Variants in CCSER1 observed in about 807,000 individuals in gnomAD.
The protein encoded by CCSER1 is coiled-coil serine rich protein 1, also known as serine-rich coiled-coil domain-containing protein 1.
A neutral mutation model predicts 82.0 loss-of-function variants in CCSER1; 41 were observed. That is an observed-to-expected ratio of 0.50 (90% CI 0.39 to 0.65). The LOEUF (loss-of-function observed/expected upper bound fraction) is 0.65, where lower values mean the gene tolerates loss of function less well. Ranked by LOEUF, CCSER1 falls within the 30% of genes least tolerant of loss-of-function variation. CCSER1 has a pLI of 0.00. For synonymous variants in CCSER1, 414 were observed against 383.9 expected, an observed-to-expected ratio of 1.08 and a Z score of -0.92; for missense variants, 1,119 against 1,064.2, an observed-to-expected ratio of 1.05 and a Z score of -0.72.
intron 10 of CCSER1, among the ~76,000 whole-genome samples, chr4:91,418,047 C>T (rs886801427): frequency 6.6e-6 from 1 of 151,760 alleles, no homozygotes; most frequent in South Asian, 2.1e-4. Flanking sequence ...AATATTGAAA[C>T]ATAACTTACC....
At chr4:90,860,219 GAT>G (rs1764917452) in intron 8 of CCSER1, among the ~76,000 whole-genome samples, 1 of 151,576 alleles carries the variant, frequency 6.6e-6, no homozygotes, top group Non-Finnish European at 1.5e-5. Context: ...CTCACTGTAA[GAT>G]ATATGAATGT....
intron 4 of CCSER1, among the ~76,000 whole-genome samples, chr4:90,424,047 C>T (rs1048073135): frequency 2.6e-4 from 39 of 150,630 alleles, no homozygotes; most frequent in Non-Finnish European, 1.0e-4. Flanking sequence ...GCAGAGATTG[C>T]GCCACTGCGC....
At chr4:90,473,680 G>A (rs1206951138) in intron 5 of CCSER1, among the ~76,000 whole-genome samples, 1 of 152,126 alleles carries the variant, frequency 6.6e-6, no homozygotes, top group Admixed American at 6.6e-5. Context: ...TGAATGAATA[G>A]TATATGTTAG....
chr4:90,782,222 A>G (rs1753871072), intron 7 of CCSER1, among the ~76,000 whole-genome samples: 1 of 152,212 alleles, frequency 6.6e-6, no homozygotes, highest in Non-Finnish European at 1.5e-5. Context: ...TGGGCAAAAA[A>G]TATTTTTCCT....
intron 9 of CCSER1, among the ~76,000 whole-genome samples, chr4:91,059,814 A>G (rs1456697126): frequency 7.2e-5 from 11 of 152,016 alleles, no homozygotes; most frequent in East Asian, 1.9e-4. Context: ...GAGCAGTACT[A>G]TACTGCAACA....
intron 7 of CCSER1, among the ~76,000 whole-genome samples, chr4:90,759,802 A>G (rs984761704): frequency 8.5e-5 from 13 of 152,210 alleles, no homozygotes; most frequent in African/African-American, 2.9e-4. Context: ...CGTCTTCACC[A>G]CATATATACC....
intron 10 of CCSER1, among the ~76,000 whole-genome samples, chr4:91,458,252 C>T (rs1756305868): frequency 1.3e-5 from 2 of 152,106 alleles, no homozygotes; most frequent in Admixed American, 1.3e-4. Context: ...ATTAAAGAGA[C>T]TCTTCCCCAA....
At chr4:90,707,929 AAT>A (rs1340826629) in intron 6 of CCSER1, among the ~76,000 whole-genome samples, 1 of 152,140 alleles carries the variant, frequency 6.6e-6, no homozygotes, top group East Asian at 1.9e-4. Flanking sequence ...ACAAGCTGCC[AAT>A]ATTATCCTAC....
intron 10 of CCSER1, chr4:91,319,503 A>C (rs969782448): frequency 2.6e-6 from 1 of 380,484 alleles, no homozygotes; most frequent in Non-Finnish European, 5.2e-6. Flanking sequence ...GCATTCCCTC[A>C]TGGAACTTTG....
chr4:90,861,352 A>G (rs1311096113), intron 8 of CCSER1, among the ~76,000 whole-genome samples: 1 of 151,756 alleles, frequency 6.6e-6, no homozygotes, highest in Non-Finnish European at 1.5e-5. Flanking sequence ...TGATTCTAAT[A>G]AATAAATTCC....
At chr4:90,259,752 T>C (rs1441293772) in intron 1 of CCSER1, among the ~76,000 whole-genome samples, 1 of 152,174 alleles carries the variant, frequency 6.6e-6, no homozygotes, top group Non-Finnish European at 1.5e-5. Context: ...CTATGTGATA[T>C]ATCACATTTA....
intron 10 of CCSER1, among the ~76,000 whole-genome samples, chr4:91,198,968 A>G (rs1735683111): frequency 6.6e-6 from 1 of 152,050 alleles, no homozygotes; most frequent in African/African-American, 2.4e-5. Context: ...CTCCATCTTC[A>G]TACACACTCT....
At chr4:90,570,758 A>G (rs759080199) in intron 5 of CCSER1, among the ~76,000 whole-genome samples, 1 of 152,132 alleles carries the variant, frequency 6.6e-6, no homozygotes. Flanking sequence ...GACCCACTGA[A>G]ATACTGAAGG....
At chr4:91,586,208 A>G (rs1434378930) in intron 10 of CCSER1, among the ~76,000 whole-genome samples, 1 of 151,766 alleles carries the variant, frequency 6.6e-6, no homozygotes, top group Admixed American at 6.6e-5. Flanking sequence ...TGATGCAATT[A>G]TTATGAGTTT....
At chr4:91,457,849 AC>A in intron 10 of CCSER1, among the ~76,000 whole-genome samples, 1 of 152,204 alleles carries the variant, frequency 6.6e-6, no homozygotes, top group African/African-American at 2.4e-5. Flanking sequence ...GAATGGTAAC[AC>A]ATTAATTCAT....
At chr4:90,665,378 G>A (rs984619495) in intron 6 of CCSER1, among the ~76,000 whole-genome samples, 1 of 150,788 alleles carries the variant, frequency 6.6e-6, no homozygotes, top group African/African-American at 2.4e-5. Flanking sequence ...CTGGAGTGCA[G>A]TGGCGTGATC....
At chr4:91,243,245 C>T (rs989229437) in intron 10 of CCSER1, among the ~76,000 whole-genome samples, 1 of 152,214 alleles carries the variant, frequency 6.6e-6, no homozygotes, top group African/African-American at 2.4e-5. Flanking sequence ...TTTCCCACTC[C>T]AGCATTCAGA....
At chr4:91,162,079 A>T (rs938794246) in intron 10 of CCSER1, among the ~76,000 whole-genome samples, 7 of 152,052 alleles carry the variant, frequency 4.6e-5, no homozygotes, top group Non-Finnish European at 7.4e-5. Flanking sequence ...TTTGTCATAA[A>T]TATCTCTTAT....
At chr4:91,477,597 A>T (rs961029032) in intron 10 of CCSER1, among the ~76,000 whole-genome samples, 11 of 151,880 alleles carry the variant, frequency 7.2e-5, no homozygotes, top group African/African-American at 2.6e-4. Flanking sequence ...AGTAGTTTTC[A>T]AGTACTTTTT....
Sources: allele counts gnomAD v4.1 joint callset (sites outside exome capture counted in the v4.1 genomes callset), GRCh38; gene constraint gnomAD v4.1.1; transcripts MANE v1.5; gene names NCBI Gene and HGNC (gene_info 2026-07-23, HGNC 2026-07-21).